RAD51B: variants seen among roughly 807,000 people sequenced by gnomAD.
RAD51B encodes the protein RAD51 paralog B, also known as DNA repair protein RAD51 homolog 2.
RAD51B carries 38 observed loss-of-function variants against 42.2 expected under a neutral mutation model. That is an observed-to-expected ratio of 0.90 (90% CI 0.70 to 1.18). The LOEUF (loss-of-function observed/expected upper bound fraction) is 1.18. Ranked by LOEUF, RAD51B falls within the 50% of genes most tolerant of loss-of-function variation. The pLI is 0.00. For missense variants in RAD51B, 373 were observed against 400.7 expected (o/e 0.93, Z 0.59); for synonymous variants, 154 against 145.2 (o/e 1.06, Z -0.43).
rs141567021 is a variant in RAD51B, at chr14:68,500,324, G to C, written c.1036+32074G>C. On this transcript the variant is annotated intron_variant, in intron 10 of 10. Coordinates refer to the RAD51B transcript ENST00000487270. ...TTGCTATTCTCATCCCCATCTTACAGATGAGGAAACTGAGGCTCTGGGAGG... is the reference window on the plus strand; with the variant it reads ...TTGCTATTCTCATCCCCATCTTACACATGAGGAAACTGAGGCTCTGGGAGG... 4.6e-3 allele frequency among the ~76,000 whole-genome samples: 700 copies of C among 152,352 alleles called. 5 individuals are homozygous for C. The highest frequency in any genetic ancestry group is 0.016 in the African/African-American group (664 of 41,586).
intron 7 of RAD51B, among the ~76,000 whole-genome samples, chr14:68,095,971 CAAA>C (rs56862052): frequency 1.4e-4 from 9 of 62,616 alleles, no homozygotes; most frequent in African/African-American, 4.6e-4. Flanking sequence ...GACTCCGTCT[CAAA>C]AAAAAAAAAA....
At chr14:68,427,777 G>A (rs1319945367) in intron 9 of RAD51B, among the ~76,000 whole-genome samples, 1 of 152,164 alleles carries the variant, frequency 6.6e-6, no homozygotes, top group African/African-American at 2.4e-5. Context: ...GCAGCTATTG[G>A]GATGGAATAA....
intron 10 of RAD51B, among the ~76,000 whole-genome samples, chr14:68,484,361 T>TTC (rs907904853): frequency 1.4e-5 from 2 of 145,420 alleles, no homozygotes; most frequent in Non-Finnish European, 3.0e-5. Context: ...TTCTTTTTCT[T>TTC]TTTTTTTTTT....
At chr14:68,243,460 T>A (rs2080433667) in intron 7 of RAD51B, among the ~76,000 whole-genome samples, 1 of 152,204 alleles carries the variant, frequency 6.6e-6, no homozygotes, top group South Asian at 2.1e-4. Context: ...TAAATTGTCA[T>A]GGTTGATGTT....
chr14:68,446,509 A>G (rs898368898), intron 9 of RAD51B, among the ~76,000 whole-genome samples: 1 of 152,226 alleles, frequency 6.6e-6, no homozygotes, highest in African/African-American at 2.4e-5. Context: ...TGTCTGACCA[A>G]TGGAAGGATC....
chr14:68,571,088 G>C lies in RAD51B; in HGVS notation c.1037-23397G>C, dbSNP rs180774538. 5.5e-3 allele frequency among the ~76,000 whole-genome samples: 834 copies of C among 152,296 alleles called. 1 individual carries two copies. The highest frequency in any genetic ancestry group is 9.7e-3 in the African/African-American group (403 of 41,548). ...CTCCCAGAATGATAGAATTGGCAGA[G>C]GGGGGAGGCAGAGACTGTCAAGCAA... is the stretch of plus-strand genomic sequence containing the variant. On this transcript the variant is annotated intron_variant, in intron 10 of 10. Coordinates refer to the RAD51B transcript ENST00000487270.
chr14:68,503,539 G>T (rs1168690276), intron 10 of RAD51B, among the ~76,000 whole-genome samples: 1 of 152,124 alleles, frequency 6.6e-6, no homozygotes, highest in Non-Finnish European at 1.5e-5. Flanking sequence ...GATGAATGGG[G>T]TTATCTCCAT....
chr14:68,604,781 T>C (rs1050913226), intron 10 of RAD51B, among the ~76,000 whole-genome samples: 5 of 136,952 alleles, frequency 3.7e-5, no homozygotes, highest in Admixed American at 2.1e-4. Flanking sequence ...GCTGCTCTGG[T>C]CTCATGTACT....
intron 11 of RAD51B, among the ~76,000 whole-genome samples, chr14:68,656,622 C>T (rs1050701024): frequency 6.6e-6 from 1 of 152,094 alleles, no homozygotes; most frequent in Admixed American, 6.6e-5. Context: ...GCCCAGAGCT[C>T]GCTCTCAGGG....
intron 8 of RAD51B, among the ~76,000 whole-genome samples, chr14:68,346,922 A>G (rs1354158778): frequency 6.6e-6 from 1 of 152,096 alleles, no homozygotes; most frequent in Non-Finnish European, 1.5e-5. Flanking sequence ...TCCTCTGCCT[A>G]TAATTTATCC....
Position 68,667,450 on chromosome 14 carries a change from T to A in RAD51B, c.*11+16594T>A, listed in dbSNP as rs116331508. Among the ~76,000 whole-genome samples the A allele has an allele frequency of 2.4e-3, 366 of 152,148 alleles. 2 individuals are homozygous for A. The highest frequency in any genetic ancestry group is 8.5e-3 in the African/African-American group (352 of 41,512). On this transcript the variant is annotated intron_variant, in intron 11 of 11. Transcript: ENST00000488612. ...TTGTAAATGTTGACTTTATTGTAAA[T>A]CAAATATAAAAACTACCTTCACAGA...
At chr14:68,222,863 T>C (rs118004750) in intron 7 of RAD51B, among the ~76,000 whole-genome samples, 4,004 of 152,214 alleles carry the variant, frequency 0.026, 71 homozygotes, top group Non-Finnish European at 0.042. Flanking sequence ...TTAGATACCA[T>C]CTATACTTCT....
chr14:68,369,755 G>C (rs538449529), intron 8 of RAD51B, among the ~76,000 whole-genome samples: 1 of 152,352 alleles, frequency 6.6e-6, no homozygotes, highest in African/African-American at 2.4e-5. Flanking sequence ...AGTACAGGTT[G>C]CTGAGTTGGA....
intron 7 of RAD51B, among the ~76,000 whole-genome samples, chr14:67,960,258 T>C (rs1225615560): frequency 6.6e-6 from 1 of 152,234 alleles, no homozygotes; most frequent in Admixed American, 6.5e-5. Context: ...TTCAAAGTCA[T>C]GTAATAGTAG....
intron 7 of RAD51B, among the ~76,000 whole-genome samples, chr14:68,111,229 G>A (rs35444306): frequency 2.0e-5 from 3 of 151,712 alleles, no homozygotes; most frequent in Non-Finnish European, 4.4e-5. Flanking sequence ...TTTTATTGTC[G>A]CCAGGAAACT....
At chr14:68,125,688 A>G (rs1314110535) in intron 7 of RAD51B, among the ~76,000 whole-genome samples, 3 of 152,214 alleles carry the variant, frequency 2.0e-5, no homozygotes, top group Admixed American at 6.5e-5. Context: ...GGGAAAAGAA[A>G]AAAAGTGTCT....
intron 9 of RAD51B, among the ~76,000 whole-genome samples, chr14:68,467,595 A>G (rs2086016398): frequency 1.3e-5 from 2 of 152,260 alleles, no homozygotes; most frequent in Non-Finnish European, 2.9e-5. Flanking sequence ...GGCACAACCT[A>G]TGTCATGCCA....
At chr14:68,017,013 GTGTT>G (rs538589259) in intron 7 of RAD51B, among the ~76,000 whole-genome samples, 82 of 152,222 alleles carry the variant, frequency 5.4e-4, no homozygotes, top group Non-Finnish European at 1.0e-3. Flanking sequence ...GGAAATGTCA[GTGTT>G]TGGAGCTAAT....
intron 7 of RAD51B, among the ~76,000 whole-genome samples, chr14:68,284,756 G>A (rs997740697): frequency 1.3e-5 from 2 of 151,200 alleles, no homozygotes; most frequent in African/African-American, 4.9e-5. Context: ...GTTTATTTTT[G>A]TGTTTTTTTT....
Sources: allele counts gnomAD v4.1 joint callset (sites outside exome capture counted in the v4.1 genomes callset), GRCh38; gene constraint gnomAD v4.1.1; transcripts MANE v1.5; gene names NCBI Gene and HGNC (gene_info 2026-07-23, HGNC 2026-07-21).